FYN: variants seen among roughly 807,000 people sequenced by gnomAD.
FYN encodes the protein tyrosine-protein kinase Fyn.
FYN carries 10 observed loss-of-function variants against 70.2 expected under a neutral mutation model. The ratio of observed to expected loss-of-function variants is 0.14; its 90% CI spans 0.09 to 0.24. The LOEUF (loss-of-function observed/expected upper bound fraction) is 0.24, where lower values mean the gene tolerates loss of function less well. FYN is among the 10% of genes least tolerant of loss of function. The pLI, the probability that FYN is intolerant of heterozygous loss-of-function variation, is 1.00. For missense variants in FYN, 319 were observed against 673.1 expected (o/e 0.47, Z 5.82); for synonymous variants, 236 against 248.6 (o/e 0.95, Z 0.48).
chr6:111,745,153 C>G (rs1038312241), intron 3 of FYN, among the ~76,000 whole-genome samples: 9 of 152,156 alleles, frequency 5.9e-5, no homozygotes, highest in Admixed American at 3.9e-4. Flanking sequence ...CATCCACCTA[C>G]CCACCCATTC....
chr6:111,835,436 A>T (rs373136376), intron 2 of FYN, among the ~76,000 whole-genome samples: 2 of 152,278 alleles, frequency 1.3e-5, no homozygotes, highest in East Asian at 3.8e-4. Context: ...GAACACTCGA[A>T]CAAAGAATTC....
rs141587180 is a variant in FYN, at chr6:111,809,467, C to T, written c.-81-28832G>A. Among the ~76,000 whole-genome samples the T allele has an allele frequency of 1.3e-3, 191 of 152,290 alleles. 1 individual carries two copies. Among genetic ancestry groups the T allele is most frequent in the Admixed American group, 2.8e-3 (43 of 15,298 alleles). On this transcript the variant is annotated intron_variant, in intron 2 of 13. Coordinates refer to ENST00000354650, the MANE Select transcript of FYN (RefSeq NM_002037.5). ...GTCCTCTGGATTAGTCATGGTGCTT[C>T]GTGGCATGGGGAATGATGTGAGCTC...
chr6:111,846,417 TTTTC>T (rs1210792553), intron 2 of FYN, among the ~76,000 whole-genome samples, 168 bp downstream of exon 2: 1 of 151,930 alleles, frequency 6.6e-6, no homozygotes, highest in Non-Finnish European at 1.5e-5. Context: ...GGAGGTAAGG[TTTTC>T]TTTCTATTTC....
At chr6:111,701,829 T>C (rs953095486) in intron 8 of FYN, among the ~76,000 whole-genome samples, 2 of 152,190 alleles carry the variant, frequency 1.3e-5, no homozygotes, top group Admixed American at 6.5e-5. Context: ...ATAAACCGAG[T>C]TAGCCAATGC....
chr6:111,817,825 T>C (rs958854974), intron 2 of FYN, among the ~76,000 whole-genome samples: 2 of 152,220 alleles, frequency 1.3e-5, no homozygotes, highest in Non-Finnish European at 2.9e-5. Context: ...AATATAAGTA[T>C]CCCTAATAAA....
chr6:111,803,806 T>C (rs1772062711), intron 2 of FYN, among the ~76,000 whole-genome samples: 2 of 152,156 alleles, frequency 1.3e-5, no homozygotes, highest in Non-Finnish European at 2.9e-5. Flanking sequence ...ACAGCGCAAA[T>C]GTAGAGTTTC....
Position 111,728,612 on chromosome 6 carries a change from T to C in FYN, c.-11-8550A>G, listed in dbSNP as rs548549580. 5.9e-5 allele frequency among the ~76,000 whole-genome samples: 9 copies of C among 152,352 alleles called. No homozygotes were observed. The South Asian group carries it at 1.9e-3, about 32-fold the overall frequency. ...CAGAGTCACATCATATGTGGTCTTT[T>C]GTGATTGGCTTCCTTTGCTTGGTAT... On this transcript the variant is annotated intron_variant, in intron 3 of 13. Coordinates refer to ENST00000354650, the MANE Select transcript of FYN (RefSeq NM_002037.5).
At chr6:111,822,949 C>T (rs532224906) in intron 2 of FYN, among the ~76,000 whole-genome samples, 1 of 152,120 alleles carries the variant, frequency 6.6e-6, no homozygotes, top group Non-Finnish European at 1.5e-5. Flanking sequence ...AGTGGAACAG[C>T]AGCAGTGGAA....
At chr6:111,739,299 CG>C (rs1215604267) in intron 3 of FYN, among the ~76,000 whole-genome samples, 1 of 152,160 alleles carries the variant, frequency 6.6e-6, no homozygotes, top group Non-Finnish European at 1.5e-5. Flanking sequence ...TGCACATGCA[CG>C]GGAGATGTGG....
chr6:111,782,078 G>A lies in FYN; in HGVS notation c.-81-1443C>T, dbSNP rs554945234. ...ACTTCATCGGCCCCCTGAATTACAT[G>A]CATGGACCCAGCTTTCAGGCCTAGC... On this transcript the variant is annotated intron_variant, in intron 2 of 13. Coordinates refer to ENST00000354650, the MANE Select transcript of FYN (RefSeq NM_002037.5). 3.7e-4 allele frequency among the ~76,000 whole-genome samples: 57 copies of A among 152,270 alleles called. 1 individual carries two copies. Among genetic ancestry groups the A allele is most frequent in the African/African-American group, 1.3e-3 (54 of 41,566 alleles).
rs1421267508 is a variant in FYN at position 111,661,702 on chromosome 6, G to A, written c.*37C>T. ...AAAGCTAATGGGGAGGGGTGGGGCA[G>A]CCTCTGGGACAAGGCCTCTCTCCGC... On this transcript the variant is annotated 3_prime_UTR_variant, in exon 14 of 14. Transcript: ENST00000354650. The surrounding 1 kb of genome is among the most constrained non-coding windows in gnomAD (Gnocchi z 4.0). The A allele has an allele frequency of 6.3e-7, 1 of 1,580,410 alleles. No individual in the cohort carries two copies. The highest frequency in any genetic ancestry group is 1.1e-5 in the South Asian group (1 of 88,072).
At chr6:111,700,890 G>C (rs533169746) in intron 8 of FYN, among the ~76,000 whole-genome samples, 43 of 151,836 alleles carry the variant, frequency 2.8e-4, no homozygotes, top group African/African-American at 1.0e-3. Context: ...GGGAAAAAAA[G>C]AAGTAACTTT....
rs1476417365 is a variant in FYN at position 111,661,369 on chromosome 6, G to C, written c.*370C>G. The C allele has an allele frequency of 6.1e-6, 1 of 163,444 alleles. No homozygotes were observed. The highest frequency in any genetic ancestry group is 2.4e-5 in the African/African-American group (1 of 41,316). 10.1% of individuals were successfully genotyped at this position (163,444 alleles called of 1,614,324 possible). A position where few individuals can be genotyped will look rare whatever the true frequency, so the allele number is the denominator to read the frequency against. On this transcript the variant is annotated 3_prime_UTR_variant, in exon 14 of 14. Transcript: ENST00000354650. The surrounding 1 kb of genome is among the most constrained non-coding windows in gnomAD (Gnocchi z 4.0). ...AAATAATACTTTTTTTTTTTTAGTT[G>C]AATCAGGTGAAGACAGAGTTAAAAT... is the stretch of plus-strand genomic sequence containing the variant.
intron 2 of FYN, among the ~76,000 whole-genome samples, chr6:111,837,564 G>C (rs146381048): frequency 6.6e-6 from 1 of 152,192 alleles, no homozygotes; most frequent in Non-Finnish European, 1.5e-5. Context: ...TCCATGGCCA[G>C]TACTGACCAA....
At chr6:111,802,941 T>C (rs1157804751) in intron 2 of FYN, among the ~76,000 whole-genome samples, 1 of 152,250 alleles carries the variant, frequency 6.6e-6, no homozygotes, top group African/African-American at 2.4e-5. Context: ...CAATCATACA[T>C]GATTTTCTTG....
rs539858692 is a variant in FYN at position 111,734,161 on chromosome 6, C to T, written c.-11-14099G>A. Among the ~76,000 whole-genome samples, 7 of 152,076 alleles carry T rather than the reference C, an allele frequency of 4.6e-5. No homozygotes were observed. In the South Asian group the frequency reaches 1.2e-3, roughly 27 times the overall value. ...ACAAGGAGCCCTCCAGGGTTCACAC[C>T]AATGCTGAAGGAGCCCAAAGACCTT... On this transcript the variant is annotated intron_variant, in intron 3 of 13. Coordinates refer to ENST00000354650, the MANE Select transcript of FYN (RefSeq NM_002037.5).
chr6:111,714,290 C>G (rs942841800), intron 5 of FYN, 57 bp downstream of exon 5: 3 of 1,140,770 alleles, frequency 2.6e-6, no homozygotes, highest in East Asian at 2.4e-5. Context: ...ACCAGAAATG[C>G]AAGACCCCTT....
intron 13 of FYN, among the ~76,000 whole-genome samples, chr6:111,664,709 CT>C (rs764778069): frequency 6.6e-6 from 1 of 152,124 alleles, no homozygotes; most frequent in Non-Finnish European, 1.5e-5. Context: ...TCGCTCTCCC[CT>C]TTCCTGTCTG....
intron 3 of FYN, among the ~76,000 whole-genome samples, chr6:111,764,294 A>C (rs1803137239): frequency 6.6e-6 from 1 of 151,640 alleles, no homozygotes; most frequent in African/African-American, 2.4e-5. Context: ...TTAATAAGAA[A>C]CCTCTGAGGA....
Sources: allele counts gnomAD v4.1 joint callset (sites outside exome capture counted in the v4.1 genomes callset), GRCh38; gene constraint gnomAD v4.1.1; non-coding constraint Gnocchi (gnomAD v3.1); transcripts MANE v1.5; gene names NCBI Gene and HGNC (gene_info 2026-07-23, HGNC 2026-07-21).